The following GALNT11 variants were observed in gnomAD, a reference collection of about 807,000 sequenced individuals.
GALNT11 encodes polypeptide N-acetylgalactosaminyltransferase 11, also known as UDP-GalNAc:polypeptide N-acetylgalactosaminyltransferase 11.
A neutral mutation model predicts 72.7 loss-of-function variants in GALNT11; 47 were observed. The ratio of observed to expected loss-of-function variants is 0.65; its 90% CI spans 0.51 to 0.82. The LOEUF is 0.82. GALNT11 is among the 40% of genes least tolerant of loss of function. GALNT11 has a pLI of 0.00. For missense variants in GALNT11, 677 were observed against 778.4 expected, an observed-to-expected ratio of 0.87 and a Z score of 1.55; for synonymous variants, 270 against 286.6, an observed-to-expected ratio of 0.94 and a Z score of 0.58.
At chr7:152,079,821 A>G (rs2085213758) in intron 1 of GALNT11, among the ~76,000 whole-genome samples, 1 of 152,222 alleles carries the variant, frequency 6.6e-6, no homozygotes, top group African/African-American at 2.4e-5. Context: ...TAATATTTGT[A>G]CTCACATGAC....
chr7:152,117,207 T>G lies in GALNT11; in HGVS notation c.1284T>G (p.Asn428Lys). The change falls in exon 9 of 12, where the codon AAT becomes AAG. Residue 428 changes from asparagine (N) to lysine (K), a missense_variant. Asn to Lys is a moderately conservative substitution (Grantham distance 94). Coordinates refer to ENST00000430044, the MANE Select transcript of GALNT11 (RefSeq NM_022087.4). ...RPDLKTKSYG[N>K]ISERVELRKK... ...ACCTGAAGACGAAAAGCTATGGCAA[T>G]ATCAGTGAGCGTGTGGAACTGAGAA... is the stretch of plus-strand genomic sequence containing the variant. 6.2e-7 allele frequency: 1 copy of G among 1,614,142 alleles called. No homozygotes were observed. Among genetic ancestry groups the G allele is most frequent in the Non-Finnish European group, 8.5e-7 (1 of 1,180,032 alleles).
rs1032551669 is a variant in GALNT11 at position 152,073,397 on chromosome 7, G to C, written c.-38-20793G>C. Among the ~76,000 whole-genome samples, 8 of 152,316 alleles carry C rather than the reference G, an allele frequency of 5.3e-5. No individual in the cohort carries two copies. The South Asian group carries it at 6.2e-4, about 12-fold the overall frequency. On this transcript the variant is annotated intron_variant, in intron 1 of 11. Transcript: ENST00000430044. ...AGCTTCCACATATGAATGAGAACATGTGGTGTTTAACTTTCTGTTCCTGGC... is the reference window on the plus strand; with the variant it reads ...AGCTTCCACATATGAATGAGAACATCTGGTGTTTAACTTTCTGTTCCTGGC...
chr7:152,098,960 T>C (rs1372755654), intron 2 of GALNT11, among the ~76,000 whole-genome samples: 2 of 152,284 alleles, frequency 1.3e-5, no homozygotes, highest in Non-Finnish European at 1.5e-5. Flanking sequence ...TCTATTTTTT[T>C]TGAGACAGAG....
intron 1 of GALNT11, among the ~76,000 whole-genome samples, chr7:152,053,836 C>A (rs1375835434): frequency 2.0e-5 from 3 of 152,108 alleles, no homozygotes; most frequent in Non-Finnish European, 4.4e-5. Flanking sequence ...TTTGTCTGCA[C>A]AAAAATAAAT....
chr7:152,031,447 TA>T (rs2082301007), intron 1 of GALNT11, among the ~76,000 whole-genome samples: 1 of 152,214 alleles, frequency 6.6e-6, no homozygotes, highest in African/African-American at 2.4e-5. Context: ...GCCTGGTATC[TA>T]AGTAGGTGGT....
chr7:152,114,525 T>A (rs2088629114), intron 8 of GALNT11, among the ~76,000 whole-genome samples: 1 of 152,208 alleles, frequency 6.6e-6, no homozygotes. Context: ...CACATTTTAC[T>A]TTATCCACCA....
chr7:152,105,520 G>A, intron 5 of GALNT11, 150 bp downstream of exon 5: 1 of 1,233,418 alleles, frequency 8.1e-7, no homozygotes, highest in South Asian at 1.9e-5. Context: ...GTTTGGGAAA[G>A]ACCTGTTCAT....
intron 1 of GALNT11, among the ~76,000 whole-genome samples, chr7:152,041,380 G>T (rs1245676026): frequency 6.6e-6 from 1 of 152,206 alleles, no homozygotes; most frequent in Non-Finnish European, 1.5e-5. Context: ...TGCTGTATTT[G>T]TGCCTTTATG....
At chr7:152,064,788 TC>T (rs1319317303) in intron 1 of GALNT11, among the ~76,000 whole-genome samples, 1 of 152,238 alleles carries the variant, frequency 6.6e-6, no homozygotes, top group Non-Finnish European at 1.5e-5. Context: ...GTCCCCACTC[TC>T]TTCTGGCTTG....
At chr7:152,039,490 C>T (rs964224841) in intron 1 of GALNT11, among the ~76,000 whole-genome samples, 3 of 152,050 alleles carry the variant, frequency 2.0e-5, no homozygotes, top group Non-Finnish European at 2.9e-5. Flanking sequence ...TGGTGATCAC[C>T]GCTATCATTA....
At position 152,113,228 on chromosome 7, in the gene GALNT11, G is replaced by C; in HGVS notation, c.1081-18G>C. The stretch of plus-strand genomic sequence containing the variant: ...CAACATGAGGCAACTGTTAACACCT[G>C]TTTTTGCTTCTGGCCAGATCTGGAT... On this transcript the variant is annotated intron_variant, in intron 7 of 11. Coordinates refer to ENST00000430044, the MANE Select transcript of GALNT11 (RefSeq NM_022087.4). 1 of 1,597,930 alleles carries C rather than the reference G, an allele frequency of 6.3e-7. No homozygotes were observed. The highest frequency in any genetic ancestry group is 1.3e-5 in the African/African-American group (1 of 74,244).
chr7:152,037,602 AT>A (rs60143948), intron 1 of GALNT11, among the ~76,000 whole-genome samples: 90 of 148,842 alleles, frequency 6.0e-4, no homozygotes, highest in African/African-American at 1.7e-3. Context: ...AAGTTTTAGG[AT>A]TTTTTTTTTC....
At chr7:152,121,376 A>G (rs1223931391) in intron 11 of GALNT11, among the ~76,000 whole-genome samples, 170 bp from the exon 12 acceptor site, 1 of 152,238 alleles carries the variant, frequency 6.6e-6, no homozygotes, top group Non-Finnish European at 1.5e-5. Context: ...GCGGTCAGAA[A>G]ATATCTTATT....
At chr7:152,117,545 A>G (rs1007569563) in intron 9 of GALNT11, 170 bp downstream of exon 9, 28 of 665,480 alleles carry the variant, frequency 4.2e-5, no homozygotes, top group African/African-American at 3.6e-4. Context: ...ACGCAAGTGT[A>G]GGACCTCAAG....
In GALNT11 at chr7:152,066,484, G is replaced by A. The variant is rs185388670; in HGVS notation, c.-38-27706G>A. Among the ~76,000 whole-genome samples the A allele has an allele frequency of 8.8e-4, 125 of 142,716 alleles. 1 individual carries two copies. Among genetic ancestry groups the A allele is most frequent in the East Asian group, 4.9e-3 (24 of 4,916 alleles). 93.6% of individuals were successfully genotyped at this position (142,716 alleles called of 152,430 possible). On this transcript the variant is annotated intron_variant, in intron 1 of 11. Coordinates refer to ENST00000430044, the MANE Select transcript of GALNT11 (RefSeq NM_022087.4). ...CAACAAGCCCCAGTGAAATGAACCC[G>A]GTTACCTCAGTTGGAAATGCAGAAA...
rs113283181 is a variant in GALNT11, at chr7:152,093,794, C to T, written c.-38-396C>T. ...AAGATCCTTGGATTAAAAAAAGAATCTTGCAGTTCTTTGGTTGGAAGAGAC... is the reference window on the plus strand; with the variant it reads ...AAGATCCTTGGATTAAAAAAAGAATTTTGCAGTTCTTTGGTTGGAAGAGAC... On this transcript the variant is annotated intron_variant, in intron 1 of 11. Coordinates refer to ENST00000430044, the MANE Select transcript of GALNT11 (RefSeq NM_022087.4). 4.9e-3 allele frequency among the ~76,000 whole-genome samples: 737 copies of T among 151,786 alleles called. 8 individuals carry two copies. The highest frequency in any genetic ancestry group is 0.017 in the African/African-American group (703 of 41,444).
intron 5 of GALNT11, 64 bp from the exon 6 acceptor site, chr7:152,107,974 C>A: frequency 1.9e-6 from 3 of 1,544,738 alleles, no homozygotes; most frequent in African/African-American, 1.4e-5. Flanking sequence ...TCCCATTGGA[C>A]GGGTGGTTGT....
At chr7:152,073,012 T>A (rs1337618678) in intron 1 of GALNT11, among the ~76,000 whole-genome samples, 1 of 152,234 alleles carries the variant, frequency 6.6e-6, no homozygotes, top group African/African-American at 2.4e-5. Flanking sequence ...ATATACATTT[T>A]ATTTTATTTT....
At chr7:152,048,647 A>G (rs1268811465) in intron 1 of GALNT11, among the ~76,000 whole-genome samples, 1 of 151,594 alleles carries the variant, frequency 6.6e-6, no homozygotes, top group Non-Finnish European at 1.5e-5. Flanking sequence ...GTCCTGCCTC[A>G]GCCTCCAGAG....
Sources: allele counts gnomAD v4.1 joint callset (sites outside exome capture counted in the v4.1 genomes callset), GRCh38; gene constraint gnomAD v4.1.1; transcripts MANE v1.5; gene names NCBI Gene and HGNC (gene_info 2026-07-23, HGNC 2026-07-21).